Variants in MELK observed in about 807,000 individuals in gnomAD.
MELK encodes the protein maternal embryonic leucine zipper kinase, also known as pEg3 kinase.
MELK carries 81 observed loss-of-function variants against 85.0 expected under a neutral mutation model. That is an observed-to-expected ratio of 0.95 (90% CI 0.80 to 1.15). MELK has a LOEUF of 1.15. Among genes scored for constraint, MELK ranks in the 50% most tolerant of loss-of-function variants. MELK has a pLI of 0.00. For missense variants in MELK, 754 were observed against 777.5 expected (o/e 0.97, Z 0.36); for synonymous variants, 252 against 265.0 (o/e 0.95, Z 0.48).
At chr9:36,580,670 A>G (rs1822141039) in intron 1 of MELK, among the ~76,000 whole-genome samples, 1 of 150,094 alleles carries the variant, frequency 6.7e-6, no homozygotes, top group Non-Finnish European at 1.5e-5. Flanking sequence ...CCCGAGCCAG[A>G]GTAGGCTCAG....
chr9:36,581,779 C>T (rs745868295), intron 2 of MELK, 40 bp downstream of exon 2: 3 of 1,486,182 alleles, frequency 2.0e-6, no homozygotes, highest in Admixed American at 1.8e-5. Context: ...GATAGATCAA[C>T]TATTTGAGAG....
At chr9:36,591,114 T>A (rs1175422259) in intron 4 of MELK, among the ~76,000 whole-genome samples, 3 of 151,400 alleles carry the variant, frequency 2.0e-5, no homozygotes, top group African/African-American at 7.3e-5. Flanking sequence ...ACAAAAAAAT[T>A]ATAACGTTGA....
At chr9:36,574,399 A>C (rs1052818462) in intron 1 of MELK, among the ~76,000 whole-genome samples, 5 of 150,494 alleles carry the variant, frequency 3.3e-5, no homozygotes, top group Non-Finnish European at 7.4e-5. Context: ...AGCCTGGCCA[A>C]CATGGCGAAA....
intron 10 of MELK, among the ~76,000 whole-genome samples, chr9:36,641,244 C>T (rs1360685407): frequency 6.6e-6 from 1 of 152,068 alleles, no homozygotes; most frequent in Non-Finnish European, 1.5e-5. Context: ...TGAAAATAAC[C>T]AGTTTTTGAG....
intron 1 of MELK, among the ~76,000 whole-genome samples, chr9:36,577,004 A>G (rs1821727166): frequency 6.6e-6 from 1 of 152,158 alleles, no homozygotes; most frequent in Admixed American, 6.5e-5. Flanking sequence ...ACTACTCATC[A>G]TTGTATGAAG....
chr9:36,602,684 AG>A (rs1825059927), intron 7 of MELK, among the ~76,000 whole-genome samples: 1 of 149,704 alleles, frequency 6.7e-6, no homozygotes, highest in African/African-American at 2.5e-5. Context: ...CTCAGCCTCC[AG>A]AGTAGCTGGG....
intron 13 of MELK, among the ~76,000 whole-genome samples, chr9:36,658,252 T>C (rs1380227880): frequency 6.6e-6 from 1 of 152,176 alleles, no homozygotes; most frequent in African/African-American, 2.4e-5. Context: ...TATTTTATCT[T>C]CTGGTACTCC....
chr9:36,575,915 G>A (rs1821608969), intron 1 of MELK, among the ~76,000 whole-genome samples: 2 of 152,014 alleles, frequency 1.3e-5, no homozygotes, highest in African/African-American at 4.8e-5. Context: ...TTTTTCTTCT[G>A]TATCAGGATT....
chr9:36,583,232 C>T (rs1822442610), intron 2 of MELK, among the ~76,000 whole-genome samples: 1 of 152,046 alleles, frequency 6.6e-6, no homozygotes, highest in Non-Finnish European at 1.5e-5. Context: ...CTCGGTCTCC[C>T]AAAGTGCTGG....
At chr9:36,579,784 T>C (rs1193910438) in intron 1 of MELK, among the ~76,000 whole-genome samples, 4 of 152,188 alleles carry the variant, frequency 2.6e-5, no homozygotes, top group Non-Finnish European at 5.9e-5. Flanking sequence ...AACAGGGCCC[T>C]ACTTAGCTCT....
intron 8 of MELK, among the ~76,000 whole-genome samples, chr9:36,616,407 T>A (rs919376967): frequency 6.8e-6 from 1 of 147,452 alleles, no homozygotes; most frequent in Non-Finnish European, 1.5e-5. Context: ...TTTTTTTTTT[T>A]AAGGCAGAGC....
At chr9:36,611,382 T>C (rs1826036777) in intron 8 of MELK, among the ~76,000 whole-genome samples, 2 of 152,232 alleles carry the variant, frequency 1.3e-5, no homozygotes, top group African/African-American at 4.8e-5. Context: ...TTGCTTGTTT[T>C]ATATTTAATC....
intron 11 of MELK, 115 bp from the exon 12 acceptor site, chr9:36,651,631 C>G: frequency 8.0e-7 from 1 of 1,248,350 alleles, no homozygotes; most frequent in Non-Finnish European, 1.1e-6. Context: ...GCTGTGTAAA[C>G]CTATTGGCTT....
At chr9:36,653,066 T>C (rs1343185133) in intron 12 of MELK, among the ~76,000 whole-genome samples, 2 of 152,196 alleles carry the variant, frequency 1.3e-5, no homozygotes, top group Non-Finnish European at 2.9e-5. Context: ...ATGGAGCATG[T>C]TGATTAGTGT....
intron 13 of MELK, among the ~76,000 whole-genome samples, chr9:36,661,885 C>T (rs1318210035): frequency 2.7e-5 from 4 of 148,768 alleles, no homozygotes; most frequent in Admixed American, 6.7e-5. Flanking sequence ...TGCAGTGAGC[C>T]GAGATTGCAC....
At chr9:36,653,023 G>A (rs1319431095) in intron 12 of MELK, among the ~76,000 whole-genome samples, 1 of 151,988 alleles carries the variant, frequency 6.6e-6, no homozygotes, top group Non-Finnish European at 1.5e-5. Flanking sequence ...TAAGGGTTTA[G>A]GTTTTTGTTT....
At chr9:36,622,494 G>A (rs1298363741) in intron 8 of MELK, among the ~76,000 whole-genome samples, 1 of 152,178 alleles carries the variant, frequency 6.6e-6, no homozygotes, top group Non-Finnish European at 1.5e-5. Context: ...TAACCAAAAT[G>A]CTCAACTGCA....
At position 36,677,381 on chromosome 9, in the gene MELK, C is replaced by T; in HGVS notation, c.*44C>T. ...CTGCCGGATGAGTGTGGGTGTGATA[C>T]AGCCTACATAAAGACTGTTATGATC... On this transcript the variant is annotated 3_prime_UTR_variant, in exon 18 of 18. Coordinates refer to ENST00000298048, the MANE Select transcript of MELK (RefSeq NM_014791.4). The T allele has an allele frequency of 2.0e-6, 3 of 1,536,496 alleles. No homozygotes were observed. The highest frequency in any genetic ancestry group is 2.6e-6 in the Non-Finnish European group (3 of 1,133,952).
intron 15 of MELK, 106 bp from the exon 16 acceptor site, chr9:36,670,892 T>A: frequency 1.7e-6 from 2 of 1,187,102 alleles, no homozygotes; most frequent in Non-Finnish European, 2.3e-6. Flanking sequence ...CTGGCATACC[T>A]GAGTGAGGCA....
Sources: allele counts gnomAD v4.1 joint callset (sites outside exome capture counted in the v4.1 genomes callset), GRCh38; gene constraint gnomAD v4.1.1; transcripts MANE v1.5; gene names NCBI Gene and HGNC (gene_info 2026-07-23, HGNC 2026-07-21).